Variants in GALNT14 observed in about 807,000 individuals in gnomAD.
GALNT14 encodes polypeptide N-acetylgalactosaminyltransferase 14, also known as UDP-GalNAc:polypeptide N-acetylgalactosaminyltransferase 14.
GALNT14 carries 60 observed loss-of-function variants against 77.5 expected under a neutral mutation model. That is an observed-to-expected ratio of 0.77 (90% CI 0.63 to 0.96). GALNT14 has a LOEUF of 0.96. Ranked by LOEUF, GALNT14 falls within the 40% of genes least tolerant of loss-of-function variation. GALNT14 has a pLI of 0.00. For synonymous variants in GALNT14, 280 were observed against 281.7 expected (o/e 0.99, Z 0.06); for missense variants, 710 against 731.0 (o/e 0.97, Z 0.33).
intron 1 of GALNT14, among the ~76,000 whole-genome samples, chr2:31,071,365 G>A (rs766804351): frequency 2.6e-5 from 4 of 152,176 alleles, no homozygotes; most frequent in African/African-American, 7.2e-5. Flanking sequence ...AACAAAGTCC[G>A]GAGGACATCA....
rs566269051 is a variant in GALNT14 at position 31,056,400 on chromosome 2, A to G, written c.130-63393T>C. 4.6e-5 allele frequency among the ~76,000 whole-genome samples: 7 copies of G among 152,318 alleles called. No individual in the cohort carries two copies. In the East Asian group the frequency reaches 1.3e-3, roughly 29 times the overall value. On this transcript the variant is annotated intron_variant, in intron 1 of 14. Transcript: ENST00000349752. ...TTTAGATCAGTAAATCCAGATGCAG[A>G]AAGAGCCAAAAACCATCTCAGGCGT...
chr2:30,935,435 CAT>C (rs1665993925), intron 9 of GALNT14, among the ~76,000 whole-genome samples: 1 of 152,176 alleles, frequency 6.6e-6, no homozygotes, highest in Non-Finnish European at 1.5e-5. Flanking sequence ...GAAGGATGTC[CAT>C]CTCAGGTCTC....
chr2:31,040,935 G>T lies in GALNT14; in HGVS notation c.130-47928C>A, dbSNP rs564056729. Among the ~76,000 whole-genome samples, 3 of 152,202 alleles carry T rather than the reference G, an allele frequency of 2.0e-5. No homozygotes were observed. In the South Asian group the frequency reaches 6.2e-4, roughly 32 times the overall value. On this transcript the variant is annotated intron_variant, in intron 1 of 14. Transcript: ENST00000349752. ...AATGCCTGGGATGAATTCCCAATCT[G>T]CTGTGTATGCAACATCAGGGTCCTG... is the stretch of plus-strand genomic sequence containing the variant.
At chr2:31,044,584 C>T (rs1414364472) in intron 1 of GALNT14, among the ~76,000 whole-genome samples, 1 of 152,154 alleles carries the variant, frequency 6.6e-6, no homozygotes, top group Non-Finnish European at 1.5e-5. Context: ...ATACTGGCTA[C>T]ACTTGATCCC....
intron 1 of GALNT14, among the ~76,000 whole-genome samples, chr2:31,111,082 T>A (rs1036234590): frequency 6.6e-6 from 1 of 152,300 alleles, no homozygotes; most frequent in African/African-American, 2.4e-5. Context: ...CACTCTGGCC[T>A]CTCAAAGACA....
intron 1 of GALNT14, chr2:31,132,497 G>T: frequency 3.4e-6 from 1 of 292,394 alleles, no homozygotes; most frequent in Non-Finnish European, 6.9e-6. Flanking sequence ...ACCTTGTACA[G>T]GCACCCACAC....
At chr2:31,058,634 C>A (rs1674389706) in intron 1 of GALNT14, among the ~76,000 whole-genome samples, 1 of 152,124 alleles carries the variant, frequency 6.6e-6, no homozygotes, top group Non-Finnish European at 1.5e-5. Context: ...GGGCTCAGGG[C>A]ACTAGATGGT....
intron 1 of GALNT14, among the ~76,000 whole-genome samples, chr2:31,130,734 CTGTGTGTGTGTGTGTG>C (rs4020220): frequency 5.6e-3 from 663 of 117,544 alleles, no homozygotes; most frequent in Middle Eastern, 9.9e-3. Context: ...CAGGGTACCT[CTGTGTGTGTGTGTGTG>C]TGTGTGTGTG....
chr2:31,030,308 C>A (rs1672328864), intron 1 of GALNT14, among the ~76,000 whole-genome samples: 1 of 152,042 alleles, frequency 6.6e-6, no homozygotes. Flanking sequence ...GGAAATCACA[C>A]AAGTCCAGGG....
chr2:30,952,635 A>T (rs894453094), intron 6 of GALNT14, among the ~76,000 whole-genome samples: 3 of 145,094 alleles, frequency 2.1e-5, no homozygotes, highest in Non-Finnish European at 4.5e-5. Context: ...GGGGAGGGAT[A>T]GCATCGGGAG....
At chr2:31,100,690 G>GT (rs1677226320) in intron 1 of GALNT14, among the ~76,000 whole-genome samples, 1 of 116,942 alleles carries the variant, frequency 8.6e-6, no homozygotes, top group East Asian at 2.0e-4. Flanking sequence ...AGATGGATGT[G>GT]TTTTAGCCTG....
At chr2:30,994,148 G>A (rs1054870587) in intron 1 of GALNT14, among the ~76,000 whole-genome samples, 2 of 152,252 alleles carry the variant, frequency 1.3e-5, no homozygotes, top group East Asian at 1.9e-4. Flanking sequence ...ATTGGAACAT[G>A]AGGGTTGTTG....
chr2:31,022,565 C>T (rs1671787253), intron 1 of GALNT14, among the ~76,000 whole-genome samples: 1 of 152,208 alleles, frequency 6.6e-6, no homozygotes, highest in Non-Finnish European at 1.5e-5. Context: ...ACAACGTCTT[C>T]CCACTTAGCA....
At position 31,039,767 on chromosome 2, in the gene GALNT14, C is replaced by G. The variant is rs183010106; in HGVS notation, c.130-46760G>C. ...GTGCAGGCCCGCAGGCACACTTACC[C>G]TCCTAAGGTGTTATTAGGAGACACA... On this transcript the variant is annotated intron_variant, in intron 1 of 14. Coordinates refer to ENST00000349752, the MANE Select transcript of GALNT14 (RefSeq NM_024572.4). 3.2e-3 allele frequency among the ~76,000 whole-genome samples: 491 copies of G among 152,252 alleles called. 6 individuals carry two copies. Among genetic ancestry groups the G allele is most frequent in the African/African-American group, 0.011 (475 of 41,542 alleles).
In GALNT14 at chr2:30,914,568, A is replaced by G. The variant is rs924211962; in HGVS notation, c.1381-2226T>C. On this transcript the variant is annotated intron_variant, in intron 13 of 14. Transcript: ENST00000349752. ...CCCTCTCTAATAGAGTAATTCGGCCATGAGTATGAATGGAGGCCCACACTC... is the reference window on the plus strand; with the variant it reads ...CCCTCTCTAATAGAGTAATTCGGCCGTGAGTATGAATGGAGGCCCACACTC... 2.0e-5 allele frequency among the ~76,000 whole-genome samples: 3 copies of G among 152,194 alleles called. No individual in the cohort carries two copies. In the East Asian group the frequency reaches 5.8e-4, roughly 29 times the overall value.
At chr2:31,005,145 C>T (rs1489716920) in intron 1 of GALNT14, among the ~76,000 whole-genome samples, 1 of 152,190 alleles carries the variant, frequency 6.6e-6, no homozygotes, top group Non-Finnish European at 1.5e-5. Context: ...AAGAATCAAA[C>T]AATGGAAAAG....
At chr2:30,956,068 G>T in intron 4 of GALNT14, 91 bp from the exon 5 acceptor site, 2 of 1,290,974 alleles carry the variant, frequency 1.5e-6, no homozygotes, top group South Asian at 1.2e-5. Flanking sequence ...TGAAGGGTAG[G>T]TGAGGCAGCC....
chr2:31,128,072 ACT>A (rs755113589), intron 1 of GALNT14, among the ~76,000 whole-genome samples: 8 of 152,048 alleles, frequency 5.3e-5, no homozygotes, highest in Non-Finnish European at 8.8e-5. Flanking sequence ...CCAGGAGCTT[ACT>A]GGAACTGCAG....
intron 1 of GALNT14, chr2:31,125,268 A>G: frequency 6.5e-7 from 1 of 1,530,268 alleles, no homozygotes; most frequent in Non-Finnish European, 8.9e-7. Context: ...AAATGCCACA[A>G]GAAAGAAGAG....
Sources: gnomAD v4.1 joint callset for allele counts (sites outside exome capture counted in the v4.1 genomes callset) on GRCh38, gnomAD v4.1.1 for gene constraint, MANE v1.5 for transcripts, NCBI Gene and HGNC (gene_info 2026-07-23, HGNC 2026-07-21) for gene names.